TENM3: variants seen among roughly 807,000 people sequenced by gnomAD.
TENM3 encodes the protein teneurin-3.
Under a neutral mutation model 255.1 loss-of-function variants are expected in TENM3, and 63 were observed. That is an observed-to-expected ratio of 0.25 (90% confidence interval 0.20 to 0.30). The LOEUF is 0.30. Ranked by LOEUF, TENM3 falls within the 10% of genes least tolerant of loss-of-function variation. TENM3 has a pLI of 1.00. For synonymous variants in TENM3, 1,306 were observed against 1,322.3 expected (o/e 0.99, Z 0.27); for missense variants, 2,929 against 3,461.1 (o/e 0.85, Z 3.86).
At chr4:182,795,518 A>G (rs891335951) in intron 26 of TENM3, among the ~76,000 whole-genome samples, 2 of 152,220 alleles carry the variant, frequency 1.3e-5, no homozygotes, top group African/African-American at 4.8e-5. Context: ...AATAAAAAGA[A>G]TACCACTGGT....
intron 3 of TENM3, among the ~76,000 whole-genome samples, chr4:182,382,495 T>C (rs1767641226): frequency 6.6e-6 from 1 of 152,188 alleles, no homozygotes; most frequent in Admixed American, 6.5e-5. Flanking sequence ...GTTGAAGGAC[T>C]TTTCCAGGAA....
chr4:182,159,014 C>G (rs1464472442), intron 1 of TENM3, among the ~76,000 whole-genome samples: 1 of 152,210 alleles, frequency 6.6e-6, no homozygotes, highest in Non-Finnish European at 1.5e-5. Context: ...GCCCTCAAAT[C>G]CCATTCTATC....
At chr4:182,538,777 A>T (rs1336230328) in intron 3 of TENM3, among the ~76,000 whole-genome samples, 1 of 152,114 alleles carries the variant, frequency 6.6e-6, no homozygotes, top group Non-Finnish European at 1.5e-5. Flanking sequence ...AAAGCAAAGG[A>T]AAAGGAGGTT....
At chr4:182,333,935 A>G (rs531997152) in intron 2 of TENM3, among the ~76,000 whole-genome samples, 9 of 152,276 alleles carry the variant, frequency 5.9e-5, no homozygotes, top group African/African-American at 2.2e-4. Flanking sequence ...TAGGTTCTGA[A>G]TCCACATGAC....
At chr4:182,080,917 G>A in the TENM3 span, among the ~76,000 whole-genome samples, 9 of 152,042 alleles carry the variant, frequency 5.9e-5, no homozygotes, top group South Asian at 2.1e-4. Flanking sequence ...CTTGAGTCCC[G>A]GGTGTCAGGG....
At chr4:181,846,953 A>G in the TENM3 span, among the ~76,000 whole-genome samples, 84 of 152,364 alleles carry the variant, frequency 5.5e-4, no homozygotes, top group African/African-American at 1.9e-3. Flanking sequence ...TCCTTTAACA[A>G]AAATAAATTT....
the TENM3 span, among the ~76,000 whole-genome samples, chr4:181,984,032 G>T: frequency 2.0e-5 from 3 of 151,984 alleles, no homozygotes; most frequent in African/African-American, 2.4e-5. Context: ...CTTAGTGATG[G>T]AATAATGCTC....
chr4:182,038,362 A>G, the TENM3 span, among the ~76,000 whole-genome samples: 1 of 152,220 alleles, frequency 6.6e-6, no homozygotes, highest in Admixed American at 6.5e-5. Context: ...TTATTATTAA[A>G]TGTATTAGTA....
chr4:182,214,122 A>G (rs762542482), intron 1 of TENM3, among the ~76,000 whole-genome samples: 1 of 152,004 alleles, frequency 6.6e-6, no homozygotes, highest in African/African-American at 2.4e-5. Context: ...CTTTTCTTAA[A>G]TGAGAGAAAG....
At chr4:182,560,125 A>G (rs528797855) in intron 3 of TENM3, among the ~76,000 whole-genome samples, 1 of 151,742 alleles carries the variant, frequency 6.6e-6, no homozygotes, top group East Asian at 1.9e-4. Flanking sequence ...CCACAACAGT[A>G]CATCACAATC....
the TENM3 span, among the ~76,000 whole-genome samples, chr4:181,924,893 T>C: frequency 2.0e-5 from 3 of 152,160 alleles, no homozygotes; most frequent in South Asian, 2.1e-4. Context: ...TATAACAATA[T>C]ATAAAATAAT....
the TENM3 span, among the ~76,000 whole-genome samples, chr4:182,128,618 T>C: frequency 6.6e-6 from 1 of 152,238 alleles, no homozygotes; most frequent in Non-Finnish European, 1.5e-5. Context: ...TACTGTTCTT[T>C]TCTTCGTGTC....
chr4:182,739,964 A>C (rs1387059936), intron 18 of TENM3, among the ~76,000 whole-genome samples: 1 of 152,212 alleles, frequency 6.6e-6, no homozygotes, highest in Non-Finnish European at 1.5e-5. Context: ...GGAACCCAGG[A>C]GGCAGAGGTT....
chr4:181,898,582 T>C, the TENM3 span, among the ~76,000 whole-genome samples: 1 of 152,208 alleles, frequency 6.6e-6, no homozygotes, highest in African/African-American at 2.4e-5. Flanking sequence ...ATCAGCAAAC[T>C]TGAACTCCCC....
chr4:182,082,369 C>T, the TENM3 span, among the ~76,000 whole-genome samples: 1 of 152,166 alleles, frequency 6.6e-6, no homozygotes, highest in Admixed American at 6.5e-5. Context: ...CCTCTTAATA[C>T]CATCATCTTG....
intron 5 of TENM3, among the ~76,000 whole-genome samples, chr4:182,644,899 A>G (rs1228668268): frequency 6.6e-6 from 1 of 152,036 alleles, no homozygotes; most frequent in African/African-American, 2.4e-5. Flanking sequence ...CTTCATATCC[A>G]TGTTAGTCAC....
chr4:181,508,705 T>C, the TENM3 span, among the ~76,000 whole-genome samples: 3 of 151,936 alleles, frequency 2.0e-5, no homozygotes. Context: ...CAAATACGGC[T>C]GGATCCCCTG....
intron 1 of TENM3, among the ~76,000 whole-genome samples, chr4:182,157,506 A>G (rs76669836): frequency 0.048 from 7,306 of 152,270 alleles, 238 homozygotes; most frequent in Non-Finnish European, 0.07. Context: ...CAGGAATGAA[A>G]TCTTCCCTCA....
At chr4:181,846,932 A>AC in the TENM3 span, among the ~76,000 whole-genome samples, 1 of 152,244 alleles carries the variant, frequency 6.6e-6, no homozygotes, top group East Asian at 1.9e-4. Context: ...AAATTGTGGC[A>AC]ATGGAATTAA....
Sources: gnomAD v4.1 joint callset for allele counts (sites outside exome capture counted in the v4.1 genomes callset) on GRCh38, gnomAD v4.1.1 for gene constraint, MANE v1.5 for transcripts, NCBI Gene and HGNC (gene_info 2026-07-23, HGNC 2026-07-21) for gene names.